LINGO2: variants seen among roughly 807,000 people sequenced by gnomAD.
LINGO2 encodes the protein leucine rich repeat and Ig domain containing 2, also known as leucine-rich repeat and immunoglobulin-like domain-containing nogo receptor-interacting protein 2.
Under a neutral mutation model 30.6 loss-of-function variants are expected in LINGO2, and 14 were observed. That is an observed-to-expected ratio of 0.46 (90% CI 0.30 to 0.72). LINGO2 has a LOEUF of 0.72. Ranked by LOEUF, LINGO2 falls within the 30% of genes least tolerant of loss-of-function variation. The pLI is 0.07. For missense variants in LINGO2, 729 were observed against 751.7 expected (o/e 0.97, Z 0.35); for synonymous variants, 317 against 288.5 (o/e 1.10, Z -1.00).
At chr9:29,177,069 G>A in the LINGO2 span, among the ~76,000 whole-genome samples, 2 of 152,182 alleles carry the variant, frequency 1.3e-5, no homozygotes, top group African/African-American at 4.8e-5. Context: ...GAGGGTCAAT[G>A]AACAGAGCAT....
rs73441407 is a variant in LINGO2, at chr9:28,517,542, A to G, written c.-364-41517T>C. On this transcript the variant is annotated intron_variant, in intron 1 of 5. Transcript: ENST00000379992. ...AGTAGTGCTACCTGAAACATTTATG[A>G]GCGTCTACTGCAAACACTCTTAAAA... is the stretch of plus-strand genomic sequence containing the variant. 4.1e-3 allele frequency among the ~76,000 whole-genome samples: 620 copies of G among 152,326 alleles called. 5 individuals carry two copies. Among genetic ancestry groups the G allele is most frequent in the African/African-American group, 0.013 (561 of 41,576 alleles).
At chr9:28,574,014 T>C (rs541944883) in intron 1 of LINGO2, among the ~76,000 whole-genome samples, 1 of 152,308 alleles carries the variant, frequency 6.6e-6, no homozygotes, top group South Asian at 2.1e-4. Flanking sequence ...TTAAACTGGC[T>C]ATCTTCACAT....
At chr9:28,423,827 C>T (rs889276797) in intron 2 of LINGO2, among the ~76,000 whole-genome samples, 1 of 151,988 alleles carries the variant, frequency 6.6e-6, no homozygotes, top group African/African-American at 2.4e-5. Flanking sequence ...TGTTCGTTTT[C>T]AAGATATAAT....
chr9:28,414,694 G>A (rs1822901472), intron 2 of LINGO2, among the ~76,000 whole-genome samples: 1 of 152,036 alleles, frequency 6.6e-6, no homozygotes, highest in South Asian at 2.1e-4. Context: ...GTATTAATGA[G>A]CCATTTATTA....
intron 2 of LINGO2, among the ~76,000 whole-genome samples, chr9:28,411,591 C>T (rs192226608): frequency 6.6e-6 from 1 of 152,086 alleles, no homozygotes; most frequent in Non-Finnish European, 1.5e-5. Context: ...GTTGCATAAA[C>T]CATAATTACC....
chr9:28,257,973 G>A (rs1822437559), intron 4 of LINGO2, among the ~76,000 whole-genome samples: 1 of 151,880 alleles, frequency 6.6e-6, no homozygotes, highest in Non-Finnish European at 1.5e-5. Flanking sequence ...CGCATAAAAA[G>A]CAGTCACATA....
intron 5 of LINGO2, among the ~76,000 whole-genome samples, chr9:27,959,375 C>A (rs1209350239): frequency 2.0e-5 from 3 of 152,116 alleles, no homozygotes; most frequent in African/African-American, 7.2e-5. Context: ...CTTTCTTCTT[C>A]ACTGACTTAA....
At chr9:28,727,631 G>C in the LINGO2 span, among the ~76,000 whole-genome samples, 4 of 152,044 alleles carry the variant, frequency 2.6e-5, no homozygotes, top group African/African-American at 9.7e-5. Context: ...TCTTTCATCC[G>C]TCTTTAGATA....
At chr9:28,685,369 A>C in the LINGO2 span, among the ~76,000 whole-genome samples, 3,797 of 152,246 alleles carry the variant, frequency 0.025, 161 homozygotes, top group African/African-American at 0.084. Flanking sequence ...GTGCTTAGTA[A>C]ACAGTAGTTG....
intron 4 of LINGO2, among the ~76,000 whole-genome samples, chr9:28,034,030 G>A (rs10968293): frequency 0.17 from 26,348 of 152,170 alleles, 3,171 homozygotes; most frequent in East Asian, 0.46. Context: ...ATGCCTTAGC[G>A]AAGCTTCATG....
chr9:28,201,838 T>C (rs1044632709), intron 4 of LINGO2, among the ~76,000 whole-genome samples: 2 of 151,874 alleles, frequency 1.3e-5, no homozygotes, highest in Admixed American at 1.3e-4. Flanking sequence ...TTTAAATTCC[T>C]CTACAACCTT....
chr9:28,336,051 C>T (rs1825578633), intron 3 of LINGO2, among the ~76,000 whole-genome samples: 1 of 152,002 alleles, frequency 6.6e-6, no homozygotes, highest in Admixed American at 6.6e-5. Flanking sequence ...ACATTCCCAT[C>T]AGCATTATAT....
intron 4 of LINGO2, among the ~76,000 whole-genome samples, chr9:28,033,134 A>G (rs1321749320): frequency 6.6e-6 from 1 of 152,230 alleles, no homozygotes; most frequent in African/African-American, 2.4e-5. Context: ...TTACGTTGTT[A>G]GTTGCGTATG....
intron 4 of LINGO2, among the ~76,000 whole-genome samples, chr9:28,230,504 C>T (rs1050430130): frequency 1.3e-5 from 2 of 151,710 alleles, no homozygotes; most frequent in Non-Finnish European, 3.0e-5. Context: ...TAAGGTAAAT[C>T]CCATCTTAAC....
the LINGO2 span, among the ~76,000 whole-genome samples, chr9:28,719,587 C>A: frequency 6.6e-6 from 1 of 151,996 alleles, no homozygotes; most frequent in Non-Finnish European, 1.5e-5. Context: ...TTGACCCTAT[C>A]TTACTGACTT....
chr9:28,730,280 G>T, the LINGO2 span, among the ~76,000 whole-genome samples: 2 of 152,130 alleles, frequency 1.3e-5, no homozygotes, highest in Non-Finnish European at 2.9e-5. Flanking sequence ...ACACAAAACA[G>T]CAAGCAATCC....
chr9:28,372,444 A>G (rs1042874352), intron 3 of LINGO2, among the ~76,000 whole-genome samples: 2 of 152,198 alleles, frequency 1.3e-5, no homozygotes, highest in African/African-American at 2.4e-5. Context: ...TCTTATAGGT[A>G]GACTCTAAAA....
the LINGO2 span, among the ~76,000 whole-genome samples, chr9:28,749,252 T>C: frequency 2.0e-5 from 3 of 152,122 alleles, no homozygotes; most frequent in East Asian, 3.9e-4. Context: ...CCCTCTCCTC[T>C]GGAAAATGTT....
chr9:29,043,585 G>T, the LINGO2 span, among the ~76,000 whole-genome samples: 1 of 151,856 alleles, frequency 6.6e-6, no homozygotes, highest in Non-Finnish European at 1.5e-5. Flanking sequence ...CTGGTTATAG[G>T]CATGCATTTC....
Sources: gnomAD v4.1 joint callset for allele counts (sites outside exome capture counted in the v4.1 genomes callset) on GRCh38, gnomAD v4.1.1 for gene constraint, MANE v1.5 for transcripts, NCBI Gene and HGNC (gene_info 2026-07-23, HGNC 2026-07-21) for gene names.